UCMA: variants seen among roughly 807,000 people sequenced by gnomAD.
UCMA encodes the protein upper zone of growth plate and cartilage matrix-associated protein.
A neutral mutation model predicts 21.8 loss-of-function variants in UCMA; 21 were observed. The ratio of observed to expected loss-of-function variants is 0.97; its 90% CI spans 0.68 to 1.39. The LOEUF is 1.39. Among genes scored for constraint, UCMA ranks in the 40% most tolerant of loss-of-function variants. The pLI is 0.00. For synonymous variants in UCMA, 76 were observed against 67.9 expected (o/e 1.12, Z -0.58); for missense variants, 193 against 178.9 (o/e 1.08, Z -0.45).
At chr10:13,232,592 A>G (rs79733066) in intron 3 of UCMA, among the ~76,000 whole-genome samples, 2 of 151,888 alleles carry the variant, frequency 1.3e-5, no homozygotes, top group Admixed American at 6.6e-5. Flanking sequence ...ATACTTATTC[A>G]ATTTTTTTTA....
intron 4 of UCMA, among the ~76,000 whole-genome samples, chr10:13,224,417 GA>G: frequency 6.6e-6 from 1 of 151,906 alleles, no homozygotes; most frequent in Non-Finnish European, 1.5e-5. Flanking sequence ...GAAAGAAAAA[GA>G]AAGGAAAAGG....
intron 4 of UCMA, among the ~76,000 whole-genome samples, chr10:13,222,953 G>C (rs1314298966): frequency 6.6e-6 from 1 of 151,768 alleles, no homozygotes; most frequent in Non-Finnish European, 1.5e-5. Flanking sequence ...GGCCAGGCGG[G>C]ATGGCTCATG....
chr10:13,222,094 A>G lies in UCMA; in HGVS notation c.*9T>C. Reference sequence around the variant, plus strand: ...AAGCTTTGTCTTCTTGGCCGGCTTCAGGATGGGATCAGGTGTGGTGGCGGT... The same window carrying G: ...AAGCTTTGTCTTCTTGGCCGGCTTCGGGATGGGATCAGGTGTGGTGGCGGT... On this transcript the variant is annotated 3_prime_UTR_variant, in exon 5 of 5. Coordinates refer to ENST00000378681, the MANE Select transcript of UCMA (RefSeq NM_145314.3). 6.2e-7 allele frequency: 1 copy of G among 1,614,050 alleles called. No homozygotes were observed. Among genetic ancestry groups the G allele is most frequent in the Non-Finnish European group, 8.5e-7 (1 of 1,179,914 alleles).
At chr10:13,231,067 C>T (rs200051599) in intron 3 of UCMA, among the ~76,000 whole-genome samples, 5 of 69,896 alleles carry the variant, frequency 7.2e-5, no homozygotes, top group East Asian at 6.2e-4. Flanking sequence ...AATAAATAAA[C>T]AAACAAACCA....
intron 4 of UCMA, among the ~76,000 whole-genome samples, chr10:13,226,938 C>G (rs1297494270): frequency 6.6e-6 from 1 of 152,102 alleles, no homozygotes; most frequent in African/African-American, 2.4e-5. Flanking sequence ...TAAAACTGCT[C>G]AAAATAAAAT....
At chr10:13,226,461 C>T (rs912625824) in intron 4 of UCMA, among the ~76,000 whole-genome samples, 7 of 152,234 alleles carry the variant, frequency 4.6e-5, no homozygotes, top group Non-Finnish European at 8.8e-5. Context: ...GCACATGCCA[C>T]GATGCCCAGC....
chr10:13,229,686 C>T lies in UCMA; in HGVS notation c.244G>A (p.Val82Ile). ...VNVENRQKLRVDELRREYYEE... is the reference protein window; with the variant it reads ...VNVENRQKLRIDELRREYYEE... ...TAATATTCTCTCCGCAGCTCATCAA[C>T]CCGAAGCTTCTGCCTGTTTTCCACT... The change falls in exon 4 of 5, where the codon GTT (valine) becomes ATT (isoleucine). Residue 82 changes from valine (V) to isoleucine (I), a missense_variant. Transcript: ENST00000378681. 1 of 1,614,060 alleles carries T rather than the reference C, an allele frequency of 6.2e-7. No individual in the cohort carries two copies. Among genetic ancestry groups the T allele is most frequent in the Non-Finnish European group, 8.5e-7 (1 of 1,180,008 alleles).
chr10:13,230,489 T>C (rs1834883926), intron 3 of UCMA, among the ~76,000 whole-genome samples: 1 of 152,130 alleles, frequency 6.6e-6, no homozygotes, highest in African/African-American at 2.4e-5. Context: ...GAGCTTCAAC[T>C]GGAGAAACCC....
intron 4 of UCMA, among the ~76,000 whole-genome samples, chr10:13,227,263 C>A (rs1018811197): frequency 6.6e-6 from 1 of 152,194 alleles, no homozygotes; most frequent in Non-Finnish European, 1.5e-5. Flanking sequence ...TGCTGCCTCC[C>A]CAGTCCATCA....
chr10:13,230,748 A>G (rs1009115214), intron 3 of UCMA, among the ~76,000 whole-genome samples: 1 of 152,234 alleles, frequency 6.6e-6, no homozygotes, highest in African/African-American at 2.4e-5. Context: ...AAGTCTTTGC[A>G]AAATGATAAT....
At chr10:13,229,439 G>C (rs1041757573) in intron 4 of UCMA, among the ~76,000 whole-genome samples, 172 bp downstream of exon 4, 1 of 151,848 alleles carries the variant, frequency 6.6e-6, no homozygotes, top group Non-Finnish European at 1.5e-5. Context: ...TTGGGAGGTG[G>C]AGGTTGCAGT....
intron 1 of UCMA, 28 bp downstream of exon 1, chr10:13,234,173 C>T: frequency 6.3e-7 from 1 of 1,596,626 alleles, no homozygotes; most frequent in Non-Finnish European, 8.5e-7. Context: ...GTAACTAACA[C>T]CCTCCACCTT....
intron 3 of UCMA, among the ~76,000 whole-genome samples, chr10:13,231,735 C>T (rs747714465): frequency 5.3e-5 from 8 of 152,184 alleles, no homozygotes; most frequent in African/African-American, 1.7e-4. Flanking sequence ...GCATTGTATA[C>T]GTTTCTTCTC....
At chr10:13,226,410 C>G (rs542218991) in intron 4 of UCMA, among the ~76,000 whole-genome samples, 1 of 152,034 alleles carries the variant, frequency 6.6e-6, no homozygotes, top group East Asian at 1.9e-4. Context: ...TGGGCTGAAG[C>G]CATCCCCCTG....
At chr10:13,223,829 G>A (rs1234840091) in intron 4 of UCMA, among the ~76,000 whole-genome samples, 4 of 152,036 alleles carry the variant, frequency 2.6e-5, no homozygotes, top group African/African-American at 9.7e-5. Flanking sequence ...TAGTATTACA[G>A]GCGTGAGCCA....
At chr10:13,233,836 C>A (rs758939169) in intron 1 of UCMA, 36 bp from the exon 2 acceptor site, 1 of 1,612,012 alleles carries the variant, frequency 6.2e-7, no homozygotes, top group Non-Finnish European at 8.5e-7. Context: ...GCTGCAGCAT[C>A]AGAGGGGAGC....
intron 4 of UCMA, 39 bp downstream of exon 4, chr10:13,229,572 G>A (rs200425647): frequency 2.2e-5 from 34 of 1,557,224 alleles, no homozygotes; most frequent in South Asian, 1.9e-4. Flanking sequence ...TCTCCCCAAC[G>A]CTCCACCTCC....
chr10:13,224,291 C>T (rs1834796106), intron 4 of UCMA, among the ~76,000 whole-genome samples: 1 of 141,156 alleles, frequency 7.1e-6, no homozygotes, highest in Admixed American at 7.0e-5. Flanking sequence ...CATACCACTG[C>T]ACTCCAACCT....
chr10:13,227,743 T>TACACAC (rs55831241), intron 4 of UCMA, among the ~76,000 whole-genome samples: 10,835 of 110,536 alleles, frequency 0.098, 695 homozygotes, highest in East Asian at 0.24. Context: ...GGAAAGGAAA[T>TACACAC]ACACACACAC....
Sources: allele counts gnomAD v4.1 joint callset (sites outside exome capture counted in the v4.1 genomes callset), GRCh38; gene constraint gnomAD v4.1.1; transcripts MANE v1.5; gene names NCBI Gene and HGNC (gene_info 2026-07-23, HGNC 2026-07-21).